The following INPP4B variants were observed in gnomAD, a reference collection of about 807,000 sequenced individuals.
The protein encoded by INPP4B is inositol polyphosphate 4-phosphatase type II.
A neutral mutation model predicts 122.5 loss-of-function variants in INPP4B; 55 were observed. The observed-to-expected ratio is 0.45, with a 90% CI of 0.36 to 0.56. INPP4B has a LOEUF of 0.56. Among genes scored for constraint, INPP4B ranks in the 20% least tolerant of loss-of-function variants. The pLI, the probability that INPP4B is intolerant of heterozygous loss-of-function variation, is 0.00. For synonymous variants in INPP4B, 403 were observed against 388.7 expected, an observed-to-expected ratio of 1.04 and a Z score of -0.43; for missense variants, 1,000 against 1,097.7, an observed-to-expected ratio of 0.91 and a Z score of 1.26.
intron 12 of INPP4B, among the ~76,000 whole-genome samples, chr4:142,236,905 TA>T (rs1378041347): frequency 6.6e-6 from 1 of 152,222 alleles, no homozygotes; most frequent in Non-Finnish European, 1.5e-5. Flanking sequence ...TTTCAGCAAT[TA>T]AAAAGTGTTA....
intron 1 of INPP4B, among the ~76,000 whole-genome samples, chr4:142,829,550 T>A (rs2151178433): frequency 6.6e-6 from 1 of 152,222 alleles, no homozygotes; most frequent in South Asian, 2.1e-4. Flanking sequence ...GCACTATTCC[T>A]TGTGGTTAGC....
intron 2 of INPP4B, among the ~76,000 whole-genome samples, chr4:142,608,003 C>T (rs72726481): frequency 0.011 from 1,613 of 152,280 alleles, 14 homozygotes; most frequent in Middle Eastern, 0.034. Flanking sequence ...TTCTATGCTT[C>T]GCAGGCACTC....
intron 12 of INPP4B, among the ~76,000 whole-genome samples, chr4:142,216,248 A>G (rs1388904243): frequency 6.6e-6 from 1 of 152,140 alleles, no homozygotes. Flanking sequence ...TCCAAAACAA[A>G]TCTTCTAACC....
At chr4:142,112,036 G>T (rs571138457) in intron 22 of INPP4B, among the ~76,000 whole-genome samples, 1 of 149,166 alleles carries the variant, frequency 6.7e-6, no homozygotes, top group South Asian at 2.1e-4. Context: ...AAGCCACCAC[G>T]ACCAGCAAAA....
At chr4:142,364,819 A>C (rs1224131662) in intron 7 of INPP4B, among the ~76,000 whole-genome samples, 1 of 152,102 alleles carries the variant, frequency 6.6e-6, no homozygotes, top group African/African-American at 2.4e-5. Flanking sequence ...AGAGAGAATC[A>C]GCTATGCAAC....
chr4:142,026,750 C>A lies in INPP4B; in HGVS notation c.*2032G>T, dbSNP rs1737132992. 1 of 152,076 alleles carries A rather than the reference C, an allele frequency of 6.6e-6. No homozygotes were observed. The highest frequency in any genetic ancestry group is 2.1e-4 in the South Asian group (1 of 4,828). The allele number at this position is 152,076 out of a possible 1,614,324, so 9.4% of individuals were successfully genotyped here. ...CAAAGTGCTGGGATTACAGGAAATC[C>A]TTGAAATGTCTTTTAAAAATAGAAA... On this transcript the variant is annotated 3_prime_UTR_variant, in exon 26 of 26. Coordinates refer to ENST00000262992, the MANE Select transcript of INPP4B (RefSeq NM_001101669.3).
intron 2 of INPP4B, among the ~76,000 whole-genome samples, chr4:142,647,176 C>A (rs1318656178): frequency 2.0e-5 from 3 of 151,876 alleles, no homozygotes; most frequent in Non-Finnish European, 4.4e-5. Flanking sequence ...AAGAAAATAC[C>A]AAAATAAATG....
At chr4:142,638,649 T>C in intron 2 of INPP4B, among the ~76,000 whole-genome samples, 1 of 150,722 alleles carries the variant, frequency 6.6e-6, no homozygotes. Context: ...GTTCACGCCA[T>C]TCTCCCACCT....
intron 7 of INPP4B, among the ~76,000 whole-genome samples, chr4:142,370,373 T>A (rs945760203): frequency 5.3e-5 from 8 of 152,168 alleles, no homozygotes; most frequent in African/African-American, 1.9e-4. Flanking sequence ...TTAAAATAAA[T>A]CATTTTGATA....
At chr4:142,794,214 G>A (rs75503833) in intron 1 of INPP4B, among the ~76,000 whole-genome samples, 16 of 152,114 alleles carry the variant, frequency 1.1e-4, no homozygotes, top group African/African-American at 3.9e-4. Context: ...GACCTGTCTT[G>A]CCAGATATCA....
chr4:142,503,448 T>TA (rs1160176494), intron 2 of INPP4B, among the ~76,000 whole-genome samples: 1 of 152,002 alleles, frequency 6.6e-6, no homozygotes, highest in Admixed American at 6.6e-5. Flanking sequence ...ACTGAGAAAT[T>TA]AATAAAAACA....
chr4:142,218,417 A>C (rs1339896873), intron 12 of INPP4B, among the ~76,000 whole-genome samples: 1 of 152,224 alleles, frequency 6.6e-6, no homozygotes. Context: ...AACTTTAAAA[A>C]TCTGGGTATA....
At chr4:142,318,520 TTCTC>T (rs760786430) in intron 7 of INPP4B, among the ~76,000 whole-genome samples, 48 of 152,282 alleles carry the variant, frequency 3.2e-4, no homozygotes, top group Non-Finnish European at 5.3e-4. Flanking sequence ...TCAGCAGTTC[TTCTC>T]TCTATTTTTC....
rs180933555 is a variant in INPP4B at position 142,035,931 on chromosome 4, T to A, written c.2643-7017A>T. 1.9e-3 allele frequency among the ~76,000 whole-genome samples: 294 copies of A among 152,230 alleles called. 1 individual carries two copies. Among genetic ancestry groups the A allele is most frequent in the African/African-American group, 5.2e-3 (218 of 41,556 alleles). The stretch of plus-strand genomic sequence containing the variant: ...GGAGGCAAGATATAGTTCTTTTTTT[T>A]AAAATCTTTCAACTTTCATTTTAGA... On this transcript the variant is annotated intron_variant, in intron 25 of 25. Transcript: ENST00000262992.
intron 11 of INPP4B, 42 bp downstream of exon 11, chr4:142,260,450 C>A (rs766466465): frequency 4.2e-6 from 5 of 1,203,978 alleles, no homozygotes; most frequent in South Asian, 3.8e-5. Context: ...AATTAAAATT[C>A]ATTTTTGCAT....
At chr4:142,058,045 GA>G (rs1758623713) in intron 25 of INPP4B, among the ~76,000 whole-genome samples, 1 of 152,002 alleles carries the variant, frequency 6.6e-6, no homozygotes, top group Non-Finnish European at 1.5e-5. Flanking sequence ...TTAGGGCAAA[GA>G]ACATATTTTA....
At chr4:142,054,837 TG>T (rs1302172929) in intron 25 of INPP4B, among the ~76,000 whole-genome samples, 5 of 147,890 alleles carry the variant, frequency 3.4e-5, no homozygotes, top group African/African-American at 9.8e-5. Context: ...ATCTTTATTA[TG>T]TACTGTCTGT....
chr4:142,327,534 A>G (rs1772874237), intron 7 of INPP4B, among the ~76,000 whole-genome samples: 1 of 152,038 alleles, frequency 6.6e-6, no homozygotes, highest in African/African-American at 2.4e-5. Flanking sequence ...CAAAACTGGG[A>G]TAACTGCAGT....
chr4:142,791,398 A>G (rs890262089), intron 1 of INPP4B, among the ~76,000 whole-genome samples: 2 of 152,138 alleles, frequency 1.3e-5, no homozygotes, highest in Non-Finnish European at 2.9e-5. Context: ...AATTAAGATG[A>G]GATTCTGCCT....
Sources: allele counts gnomAD v4.1 joint callset (sites outside exome capture counted in the v4.1 genomes callset), GRCh38; gene constraint gnomAD v4.1.1; transcripts MANE v1.5; gene names NCBI Gene and HGNC (gene_info 2026-07-23, HGNC 2026-07-21).